The following WDR48 variants were observed in gnomAD, a reference collection of about 807,000 sequenced individuals.
The protein encoded by WDR48 is WD repeat domain 48.
In WDR48, 22 loss-of-function variants were observed where a neutral mutation model predicts 94.0. The ratio of observed to expected loss-of-function variants is 0.23; its 90% confidence interval spans 0.17 to 0.33. The LOEUF is 0.33. Ranked by LOEUF, WDR48 falls within the 10% of genes least tolerant of loss-of-function variation. The pLI is 1.00. For missense variants in WDR48, 541 were observed against 813.8 expected (o/e 0.66, Z 4.08); for synonymous variants, 278 against 280.5 (o/e 0.99, Z 0.09).
intron 18 of WDR48, 104 bp from the exon 19 acceptor site, chr3:39,094,544 G>A (rs2035242985): frequency 6.4e-7 from 1 of 1,553,152 alleles, no homozygotes; most frequent in Admixed American, 1.9e-5. Context: ...AGGCATAGGG[G>A]AGGAGTGAGC....
chr3:39,068,369 C>T (rs1477815106), intron 5 of WDR48, among the ~76,000 whole-genome samples: 1 of 152,030 alleles, frequency 6.6e-6, no homozygotes, highest in Non-Finnish European at 1.5e-5. Flanking sequence ...ATGAGAGTTC[C>T]ATTGTACTGT....
At position 39,095,411 on chromosome 3, in the gene WDR48, G is replaced by C. The variant is rs530439898; in HGVS notation, c.*668G>C. The stretch of plus-strand genomic sequence containing the variant: ...ATAGCACTTGGACTGTTGGGCCGGA[G>C]TTTGTGCAGCCCATGCCTAGCGATG... On this transcript the variant is annotated 3_prime_UTR_variant, in exon 19 of 19. Coordinates refer to ENST00000302313, the MANE Select transcript of WDR48 (RefSeq NM_020839.4). 1 of 152,562 alleles carries C rather than the reference G, an allele frequency of 6.6e-6. No homozygotes were observed. The highest frequency in any genetic ancestry group is 2.1e-4 in the South Asian group (1 of 4,830). The allele number at this position is 152,562 out of a possible 1,614,324, so 9.5% of individuals were successfully genotyped here.
intron 13 of WDR48, 32 bp downstream of exon 13, chr3:39,084,773 C>T (rs990290612): frequency 5.1e-6 from 8 of 1,579,632 alleles, no homozygotes; most frequent in African/African-American, 1.4e-5. Context: ...TTTTTTCCTC[C>T]CTTCTAAAGA....
chr3:39,082,863 A>G (rs553845813), intron 11 of WDR48, among the ~76,000 whole-genome samples: 1 of 152,304 alleles, frequency 6.6e-6, no homozygotes, highest in East Asian at 1.9e-4. Context: ...TGTGGGTTAC[A>G]GTTTGATGTC....
At chr3:39,073,037 G>A (rs1327013794) in intron 7 of WDR48, among the ~76,000 whole-genome samples, 4 of 152,202 alleles carry the variant, frequency 2.6e-5, no homozygotes, top group Non-Finnish European at 4.4e-5. Context: ...CCCAGGCCAC[G>A]AGGACTTCTA....
chr3:39,062,901 T>G (rs547781175), intron 1 of WDR48, 149 bp from the exon 2 acceptor site: 67 of 945,586 alleles, frequency 7.1e-5, no homozygotes, highest in Admixed American at 4.0e-4. Flanking sequence ...CTTTAGTCTT[T>G]AAGGAGTAAA....
At position 39,052,374 on chromosome 3, in the gene WDR48, C is replaced by T. The variant is rs532491004; in HGVS notation, c.48+301C>T. 160 of 360,230 alleles carry T rather than the reference C, an allele frequency of 4.4e-4. 1 individual carries two copies. The highest frequency in any genetic ancestry group is 3.0e-3 in the African/African-American group (137 of 44,970). The allele number at this position is 360,230 out of a possible 1,614,324, so 22.3% of individuals were successfully genotyped here. Reference sequence around the variant, plus strand: ...TGCGGGGTCGGGATAGGCTCGTTCCCCGCCCACTTGCCTCCCCCTTGCCCT... The same window carrying T: ...TGCGGGGTCGGGATAGGCTCGTTCCTCGCCCACTTGCCTCCCCCTTGCCCT... On this transcript the variant is annotated intron_variant, in intron 1 of 18. Transcript: ENST00000302313.
chr3:39,076,193 A>G (rs2034215136), intron 8 of WDR48, among the ~76,000 whole-genome samples: 1 of 152,208 alleles, frequency 6.6e-6, no homozygotes, highest in Non-Finnish European at 1.5e-5. Flanking sequence ...GGTTGGGAGG[A>G]TGTCTGCAGT....
At chr3:39,084,409 A>G in intron 12 of WDR48, 147 bp downstream of exon 12, 2 of 628,524 alleles carry the variant, frequency 3.2e-6, no homozygotes, top group Non-Finnish European at 4.8e-6. Flanking sequence ...TGGAATAAAA[A>G]AGAAAAAAAC....
At chr3:39,091,749 T>C in intron 17 of WDR48, 48 bp downstream of exon 17, 1 of 1,428,448 alleles carries the variant, frequency 7.0e-7, no homozygotes, top group Non-Finnish European at 9.5e-7. Context: ...TAGAGAGAAT[T>C]CCTTTTCCTT....
intron 5 of WDR48, 129 bp downstream of exon 5, chr3:39,067,004 A>G (rs1004217366): frequency 2.8e-5 from 31 of 1,109,238 alleles, no homozygotes; most frequent in Non-Finnish European, 3.7e-5. Flanking sequence ...TTCTACCTAC[A>G]GCGTTCTGGC....
intron 1 of WDR48, among the ~76,000 whole-genome samples, chr3:39,062,132 T>G (rs1055308803): frequency 3.3e-5 from 5 of 152,234 alleles, no homozygotes; most frequent in African/African-American, 1.2e-4. Flanking sequence ...CAATTTTGGC[T>G]TTTGTTGCCA....
At chr3:39,088,261 G>C in intron 15 of WDR48, 28 bp downstream of exon 15, 1 of 1,603,576 alleles carries the variant, frequency 6.2e-7, no homozygotes, top group South Asian at 1.1e-5. Context: ...AAGAGGTTCT[G>C]CCTGAGAAGG....
chr3:39,095,034 GC>G lies in WDR48; in HGVS notation c.*292del, dbSNP rs1440894076. On this transcript the variant is annotated 3_prime_UTR_variant, in exon 19 of 19. Coordinates refer to ENST00000302313, the MANE Select transcript of WDR48 (RefSeq NM_020839.4). ...CTGACAACAGGCCAGTGCAGACTTT[GC>G]TTCCTCCTTTTGTTTCAAAGGACCT... 9 of 416,228 alleles carry G rather than the reference GC, an allele frequency of 2.2e-5. No individual in the cohort carries two copies. The highest frequency in any genetic ancestry group is 3.9e-5 in the Non-Finnish European group (9 of 232,948). 25.8% of individuals were successfully genotyped at this position (416,228 alleles called of 1,614,324 possible).
At chr3:39,077,644 A>G (rs930343182) in intron 9 of WDR48, among the ~76,000 whole-genome samples, 14 of 152,354 alleles carry the variant, frequency 9.2e-5, no homozygotes, top group South Asian at 2.1e-4. Flanking sequence ...TCCTCATAGC[A>G]TGAAGAACAG....
intron 1 of WDR48, 71 bp from the exon 2 acceptor site, chr3:39,062,979 C>A: frequency 1.3e-6 from 2 of 1,541,786 alleles, no homozygotes; most frequent in South Asian, 2.5e-5. Flanking sequence ...TCAGATTGGC[C>A]ACTAGTAGAC....
intron 1 of WDR48, among the ~76,000 whole-genome samples, chr3:39,060,832 T>A (rs1484783859): frequency 6.6e-6 from 1 of 152,086 alleles, no homozygotes; most frequent in East Asian, 1.9e-4. Flanking sequence ...CTGGGCACAG[T>A]GGCATATGCC....
chr3:39,079,628 G>T, intron 10 of WDR48, 83 bp from the exon 11 acceptor site: 1 of 954,576 alleles, frequency 1.0e-6, no homozygotes. Flanking sequence ...GTTCCTGTTA[G>T]ATACCAGTTA....
chr3:39,089,474 G>C (rs1438631094), intron 16 of WDR48, 156 bp downstream of exon 16: 2 of 498,174 alleles, frequency 4.0e-6, no homozygotes, highest in Non-Finnish European at 6.9e-6. Context: ...TGCAGAAATA[G>C]TACTGATAAT....
Sources: gnomAD v4.1 joint callset for allele counts (sites outside exome capture counted in the v4.1 genomes callset) on GRCh38, gnomAD v4.1.1 for gene constraint, MANE v1.5 for transcripts, NCBI Gene and HGNC (gene_info 2026-07-23, HGNC 2026-07-21) for gene names.